Variants in THSD4 observed in about 807,000 individuals in gnomAD.
THSD4 encodes thrombospondin type-1 domain-containing protein 4.
THSD4 carries 69 observed loss-of-function variants against 119.0 expected under a neutral mutation model. That is an observed-to-expected ratio of 0.58 (90% CI 0.48 to 0.71). THSD4 has a LOEUF of 0.71. Ranked by LOEUF, THSD4 falls within the 30% of genes least tolerant of loss-of-function variation. The probability of loss-of-function intolerance (pLI) is 0.00; values close to 1 mark genes in which losing one functional copy is unlikely to be tolerated. For synonymous variants in THSD4, 524 were observed against 540.4 expected (o/e 0.97, Z 0.42); for missense variants, 1,393 against 1,391.1 (o/e 1.00, Z -0.02).
chr15:71,350,826 G>GT (rs1389207454), intron 6 of THSD4, among the ~76,000 whole-genome samples: 2 of 152,158 alleles, frequency 1.3e-5, no homozygotes, highest in Non-Finnish European at 1.5e-5. Flanking sequence ...GTGTGCAAGT[G>GT]TATCATTCCA....
At chr15:71,271,269 A>C (rs1321513017) in intron 6 of THSD4, among the ~76,000 whole-genome samples, 1 of 152,242 alleles carries the variant, frequency 6.6e-6, no homozygotes, top group East Asian at 1.9e-4. Flanking sequence ...GTACATTCAT[A>C]CAATGGAGTA....
intron 14 of THSD4, among the ~76,000 whole-genome samples, chr15:71,751,317 T>C (rs1468373436): frequency 6.6e-6 from 1 of 152,340 alleles, no homozygotes; most frequent in East Asian, 1.9e-4. Context: ...ATGTTGGCTT[T>C]TTTCTGGTTA....
Position 71,771,115 on chromosome 15 carries a change from T to C in THSD4, c.2821T>C (p.Ser941Pro), listed in dbSNP as rs763445612. Reference protein sequence around the residue: ...GFRVREVRCLSDDMTLSNLCD... With the variant: ...GFRVREVRCLPDDMTLSNLCD... ...TCGGGTCCGGGAAGTGCGGTGTCTG[T>C]CTGATGACATGACTCTAAGTAACCT... The change falls in exon 17 of 18, where the codon TCT becomes CCT. Residue 941 changes from serine to proline, a missense_variant. Transcript: ENST00000261862. 2.5e-6 allele frequency: 4 copies of C among 1,614,098 alleles called. No individual in the cohort carries two copies. The African/African-American group carries it at 5.3e-5, about 22-fold the overall frequency.
At chr15:71,765,292 C>CCT in intron 16 of THSD4, 93 bp downstream of exon 16, 1 of 1,417,956 alleles carries the variant, frequency 7.1e-7, no homozygotes. Context: ...CTGGGTTCAG[C>CCT]CCTGAAAGAG....
chr15:71,754,380 A>G lies in THSD4; in HGVS notation c.2416-3522A>G, dbSNP rs140416135. Among the ~76,000 whole-genome samples, 9 of 152,204 alleles carry G rather than the reference A, an allele frequency of 5.9e-5. No individual in the cohort carries two copies. The South Asian group carries it at 1.9e-3, about 32-fold the overall frequency. The stretch of plus-strand genomic sequence containing the variant: ...GCTGGGATTACAGGTGTGAGCCACC[A>G]CACCTGGCCTACATTGTATTCTTTA... On this transcript the variant is annotated intron_variant, in intron 14 of 17. Coordinates refer to ENST00000261862, the MANE Select transcript of THSD4 (RefSeq NM_024817.3).
intron 7 of THSD4, among the ~76,000 whole-genome samples, chr15:71,511,318 G>A (rs72735345): frequency 0.016 from 2,496 of 152,210 alleles, 36 homozygotes; most frequent in Non-Finnish European, 0.025. Context: ...CTCAGATTTG[G>A]TTTAGGGGCC....
intron 3 of THSD4, among the ~76,000 whole-genome samples, chr15:71,199,916 G>GGTGTGTGGT (rs1567155136): frequency 2.6e-5 from 3 of 116,052 alleles, no homozygotes; most frequent in Non-Finnish European, 5.9e-5. Flanking sequence ...GCATGTGTGG[G>GGTGTGTGGT]GTGTGTGTGT....
rs1420717415 is a variant in THSD4 at position 71,748,599 on chromosome 15, G to A, written c.2415+5G>A. ...CTCACCGAGTGGAGCGAAAGGGTGAGTGTGATGGCGGGCAGAGCGCCGGGG... is the reference window on the plus strand; with the variant it reads ...CTCACCGAGTGGAGCGAAAGGGTGAATGTGATGGCGGGCAGAGCGCCGGGG... On this transcript the variant is annotated splice_donor_5th_base_variant and intron_variant, in intron 14 of 17. Transcript: ENST00000261862. The A allele has an allele frequency of 6.2e-7, 1 of 1,613,874 alleles. No homozygotes were observed. The highest frequency in any genetic ancestry group is 8.5e-7 in the Non-Finnish European group (1 of 1,179,970).
At chr15:71,541,795 G>A (rs1431115814) in intron 7 of THSD4, among the ~76,000 whole-genome samples, 1 of 152,186 alleles carries the variant, frequency 6.6e-6, no homozygotes, top group Non-Finnish European at 1.5e-5. Flanking sequence ...GCTCAGTGAG[G>A]ATGGGGGAAT....
chr15:71,431,174 A>G (rs952203853), intron 7 of THSD4, among the ~76,000 whole-genome samples: 1 of 152,222 alleles, frequency 6.6e-6, no homozygotes, highest in Admixed American at 6.5e-5. Context: ...TTTGGAAAAC[A>G]AAACAAAAAG....
At chr15:71,257,018 G>A (rs1596297123) in intron 6 of THSD4, among the ~76,000 whole-genome samples, 2 of 152,282 alleles carry the variant, frequency 1.3e-5, no homozygotes, top group Admixed American at 1.3e-4. Context: ...TTGGAGAAGA[G>A]GTTCAAACAT....
chr15:71,688,086 C>T (rs542921400), intron 8 of THSD4, among the ~76,000 whole-genome samples: 70 of 152,288 alleles, frequency 4.6e-4, no homozygotes, highest in South Asian at 1.0e-3. Context: ...GAAAAAGCTC[C>T]TTGAGCACAA....
chr15:71,632,809 T>C (rs1438449112), intron 7 of THSD4, among the ~76,000 whole-genome samples: 4 of 152,260 alleles, frequency 2.6e-5, no homozygotes, highest in African/African-American at 9.6e-5. Context: ...ATAAGAAGAC[T>C]ACACAAACAG....
Position 71,199,810 on chromosome 15 carries a change from GTGTGA to G in THSD4, c.100-15222_100-15218del, listed in dbSNP as rs1397836238. ...TGTGTGCTGTGTGTGTGCTGTGTGT[GTGTGA>G]TGCACGTGTGGGGTGTGTGTGTGTG... is the stretch of plus-strand genomic sequence containing the variant. On this transcript the variant is annotated intron_variant, in intron 3 of 17. Coordinates refer to ENST00000261862, the MANE Select transcript of THSD4 (RefSeq NM_024817.3). Among the ~76,000 whole-genome samples, 1,180 of 148,294 alleles carry G rather than the reference GTGTGA, an allele frequency of 8.0e-3. 7 individuals are homozygous for G. The highest frequency in any genetic ancestry group is 0.024 in the African/African-American group (953 of 39,018).
At position 71,746,884 on chromosome 15, in the gene THSD4, G is replaced by T; in HGVS notation, c.2083G>T (p.Gly695Cys). The change falls in exon 13 of 18, where the codon GGC becomes TGC. Residue 695 changes from glycine (G) to cysteine (C), a missense_variant. Gly to Cys is a radical substitution (Grantham distance 159, BLOSUM62 -3). Transcript: ENST00000261862. ...TGAGTGCAGCAAGACCTGTGGCCTGGGCATGCAGCACCGCCAGGTTCTGTG... is the reference window on the plus strand; with the variant it reads ...TGAGTGCAGCAAGACCTGTGGCCTGTGCATGCAGCACCGCCAGGTTCTGTG... ...WSECSKTCGL[G>C]MQHRQVLCRQ... 6.2e-7 allele frequency: 1 copy of T among 1,614,062 alleles called. No homozygotes were observed.
At chr15:71,255,605 G>A (rs1048441331) in intron 5 of THSD4, among the ~76,000 whole-genome samples, 5 of 152,114 alleles carry the variant, frequency 3.3e-5, no homozygotes, top group Admixed American at 1.3e-4. Flanking sequence ...GCAGAAGGTC[G>A]GAAATTCCTG....
intron 6 of THSD4, among the ~76,000 whole-genome samples, chr15:71,289,112 G>A (rs996833538): frequency 1.1e-4 from 16 of 152,120 alleles, no homozygotes; most frequent in African/African-American, 3.9e-4. Flanking sequence ...ATCAACTCAG[G>A]AGTCTTGGCT....
intron 8 of THSD4, among the ~76,000 whole-genome samples, chr15:71,682,853 C>CTTCT (rs2051813808): frequency 7.6e-6 from 1 of 131,248 alleles, no homozygotes; most frequent in African/African-American, 3.0e-5. Context: ...CCCTCTTTTG[C>CTTCT]TACTTTCTTT....
At chr15:71,439,701 A>T (rs775562511) in intron 7 of THSD4, among the ~76,000 whole-genome samples, 6 of 152,246 alleles carry the variant, frequency 3.9e-5, no homozygotes, top group Non-Finnish European at 7.3e-5. Context: ...GAATGAGTTC[A>T]TGTCCTTTGC....
Sources: gnomAD v4.1 joint callset for allele counts (sites outside exome capture counted in the v4.1 genomes callset) on GRCh38, gnomAD v4.1.1 for gene constraint, MANE v1.5 for transcripts, NCBI Gene and HGNC (gene_info 2026-07-23, HGNC 2026-07-21) for gene names.